KIAA1217: variants seen among roughly 807,000 people sequenced by gnomAD.
KIAA1217 encodes sickle tail protein homolog.
Under a neutral mutation model 163.9 loss-of-function variants are expected in KIAA1217, and 88 were observed. The observed-to-expected ratio is 0.54, with a 90% CI of 0.45 to 0.64. KIAA1217 has a LOEUF of 0.64. Among genes scored for constraint, KIAA1217 ranks in the 30% least tolerant of loss-of-function variants. The pLI is 0.00. For synonymous variants in KIAA1217, 903 were observed against 923.1 expected (o/e 0.98, Z 0.39); for missense variants, 2,372 against 2,475.0 (o/e 0.96, Z 0.88).
chr10:24,098,079 G>C (rs912752233), intron 2 of KIAA1217, among the ~76,000 whole-genome samples: 4 of 152,212 alleles, frequency 2.6e-5, no homozygotes, highest in African/African-American at 7.2e-5. Context: ...ACGTAAAGCC[G>C]TGCTTGTGAG....
chr10:24,004,017 T>C lies in KIAA1217; in HGVS notation c.-320-3208T>C, dbSNP rs189492127. On this transcript the variant is annotated intron_variant, in intron 1 of 18. Transcript: ENST00000376462. ...CTTTTTGAGTAGGAGTCTCACTCTA[T>C]TGCCCAGGCTGGAGTGCAATGGCAC... is the stretch of plus-strand genomic sequence containing the variant. 5.1e-3 allele frequency among the ~76,000 whole-genome samples: 780 copies of C among 152,292 alleles called. 15 individuals are homozygous for C. Among genetic ancestry groups the C allele is most frequent in the African/African-American group, 0.018 (745 of 41,546 alleles).
intron 2 of KIAA1217, chr10:24,157,760 T>A (rs570458881): frequency 5.9e-6 from 2 of 341,048 alleles, no homozygotes; most frequent in East Asian, 1.1e-4. Context: ...TTATACCAAG[T>A]GTTGGTGATG....
At chr10:23,783,761 CT>C (rs1835363895) in intron 1 of KIAA1217, among the ~76,000 whole-genome samples, 2 of 151,784 alleles carry the variant, frequency 1.3e-5, no homozygotes, top group Admixed American at 6.6e-5. Context: ...TTTGTTCGGG[CT>C]TTTTGTTTCT....
chr10:24,527,410 G>A (rs2072361112), intron 13 of KIAA1217, among the ~76,000 whole-genome samples: 1 of 148,092 alleles, frequency 6.8e-6, no homozygotes, highest in African/African-American at 2.5e-5. Flanking sequence ...TTAATTGAGT[G>A]AGACTCATGT....
At chr10:24,431,218 C>A (rs1180489106) in intron 3 of KIAA1217, among the ~76,000 whole-genome samples, 1 of 152,124 alleles carries the variant, frequency 6.6e-6, no homozygotes, top group African/African-American at 2.4e-5. Context: ...CATATTGAAC[C>A]GGAATTCATT....
intron 2 of KIAA1217, among the ~76,000 whole-genome samples, chr10:24,363,959 A>G (rs1215787111): frequency 6.7e-6 from 1 of 149,006 alleles, no homozygotes; most frequent in Non-Finnish European, 1.5e-5. Context: ...CACTGAAAAC[A>G]CTCAACTCTG....
chr10:23,742,891 G>T (rs555040407), intron 1 of KIAA1217, among the ~76,000 whole-genome samples: 7 of 152,320 alleles, frequency 4.6e-5, no homozygotes, highest in African/African-American at 1.7e-4. Flanking sequence ...GTTTGGGAGT[G>T]TAGGGGTTCA....
At chr10:24,282,178 G>A (rs1299337049) in intron 2 of KIAA1217, among the ~76,000 whole-genome samples, 1 of 149,790 alleles carries the variant, frequency 6.7e-6, no homozygotes, top group Non-Finnish European at 1.5e-5. Context: ...GACCAGCCTG[G>A]GCAACATAGA....
chr10:24,397,968 C>A (rs1005889599), intron 3 of KIAA1217, among the ~76,000 whole-genome samples: 1 of 152,112 alleles, frequency 6.6e-6, no homozygotes, highest in East Asian at 1.9e-4. Context: ...GTTAATCAAT[C>A]TCTGAGCCAT....
intron 2 of KIAA1217, among the ~76,000 whole-genome samples, chr10:24,107,647 G>GT (rs1395123192): frequency 1.3e-5 from 2 of 152,086 alleles, no homozygotes; most frequent in Non-Finnish European, 2.9e-5. Flanking sequence ...GATTTTGAGC[G>GT]TTTTTTCATA....
At chr10:24,309,331 GGCGCGCGCACGC>G (rs961993076) in intron 2 of KIAA1217, among the ~76,000 whole-genome samples, 14 of 126,230 alleles carry the variant, frequency 1.1e-4, no homozygotes, top group Admixed American at 3.0e-4. Context: ...ATGACAAATA[GGCGCGCGCACGC>G]GCGCGCGCAC....
At chr10:24,227,473 AC>A (rs1284550034) in intron 2 of KIAA1217, among the ~76,000 whole-genome samples, 1 of 151,710 alleles carries the variant, frequency 6.6e-6, no homozygotes, top group Non-Finnish European at 1.5e-5. Context: ...TTATTCTTTA[AC>A]ATGAACATTA....
intron 2 of KIAA1217, among the ~76,000 whole-genome samples, chr10:24,177,258 C>CATAT (rs1210930891): frequency 0.13 from 3,240 of 24,526 alleles, 204 homozygotes; most frequent in Middle Eastern, 0.21. Context: ...CTCTCACCAT[C>CATAT]ATATATATAT....
intron 1 of KIAA1217, among the ~76,000 whole-genome samples, chr10:23,874,296 C>T (rs1564496838): frequency 6.6e-6 from 1 of 151,986 alleles, no homozygotes; most frequent in Non-Finnish European, 1.5e-5. Context: ...CTGAGCAAAG[C>T]TGTCACTTTA....
chr10:24,525,910 G>T (rs1319483499), intron 13 of KIAA1217, among the ~76,000 whole-genome samples: 1 of 152,114 alleles, frequency 6.6e-6, no homozygotes, highest in Non-Finnish European at 1.5e-5. Flanking sequence ...GGATCACCCA[G>T]GCCCAGGGAG....
At chr10:24,215,921 A>T (rs576491691) in intron 1 of KIAA1217, among the ~76,000 whole-genome samples, 1 of 152,334 alleles carries the variant, frequency 6.6e-6, no homozygotes, top group South Asian at 2.1e-4. Flanking sequence ...GTGAGCTCCA[A>T]AGGCAATCCG....
rs1168777273 is a variant in KIAA1217 at position 24,494,480 on chromosome 10, AC to A, written c.1680-19del. Reference sequence around the variant, plus strand: ...TTGAAAGTCCATAAAGCTTTAACAAACAATTCTCTTGTTTTACAGAGAGAGG... The same window carrying A: ...TTGAAAGTCCATAAAGCTTTAACAAAAATTCTCTTGTTTTACAGAGAGAGG... On this transcript the variant is annotated intron_variant, in intron 6 of 20. Coordinates refer to ENST00000376454, the MANE Select transcript of KIAA1217 (RefSeq NM_019590.5). 1 of 1,593,392 alleles carries A rather than the reference AC, an allele frequency of 6.3e-7. No homozygotes were observed. The highest frequency in any genetic ancestry group is 2.2e-5 in the East Asian group (1 of 44,764).
intron 5 of KIAA1217, among the ~76,000 whole-genome samples, chr10:24,451,145 T>C (rs1251398697): frequency 1.3e-5 from 2 of 152,212 alleles, no homozygotes; most frequent in African/African-American, 4.8e-5. Context: ...CCTTCTTTAC[T>C]ACACAGACCT....
intron 2 of KIAA1217, among the ~76,000 whole-genome samples, chr10:24,026,742 A>ATTTTTTTTTTTTTTTTTTTTGTTCTTTT (rs1847957584): frequency 1.4e-5 from 1 of 70,094 alleles, no homozygotes; most frequent in Non-Finnish European, 2.7e-5. Flanking sequence ...TATTTCATTG[A>ATTTTTTTTTTTTTTTTTTTTGTTCTTTT]TTTTTTTTTT....
Sources: gnomAD v4.1 joint callset for allele counts (sites outside exome capture counted in the v4.1 genomes callset) on GRCh38, gnomAD v4.1.1 for gene constraint, MANE v1.5 for transcripts, NCBI Gene and HGNC (gene_info 2026-07-23, HGNC 2026-07-21) for gene names.